Variants in TCF4 observed in about 807,000 individuals in gnomAD.
The protein encoded by TCF4 is transcription factor 4, also known as SL3-3 enhancer factor 2.
Under a neutral mutation model 82.1 loss-of-function variants are expected in TCF4, and 3 were observed. That is an observed-to-expected ratio of 0.04 (90% CI 0.02 to 0.09). TCF4 has a LOEUF of 0.09. TCF4 is among the 10% of genes least tolerant of loss of function. The pLI, the probability that TCF4 is intolerant of heterozygous loss-of-function variation, is 1.00. For missense variants in TCF4, 518 were observed against 852.7 expected (o/e 0.61, Z 4.89); for synonymous variants, 276 against 309.6 (o/e 0.89, Z 1.14).
chr18:55,606,770 A>G (rs984855558), intron 2 of TCF4, among the ~76,000 whole-genome samples: 2 of 152,228 alleles, frequency 1.3e-5, no homozygotes, highest in Non-Finnish European at 1.5e-5. Context: ...CCTGGTGACA[A>G]CTGAATGACA....
intron 3 of TCF4, among the ~76,000 whole-genome samples, chr18:55,491,144 G>A (rs1222113538): frequency 6.6e-6 from 1 of 152,120 alleles, no homozygotes; most frequent in Admixed American, 6.5e-5. Flanking sequence ...TGCATAATTC[G>A]TAAGCCCTTC....
At chr18:55,447,004 A>G (rs1208240470) in intron 5 of TCF4, among the ~76,000 whole-genome samples, 2 of 151,364 alleles carry the variant, frequency 1.3e-5, no homozygotes, top group Non-Finnish European at 2.9e-5. Context: ...AAAAAAAGGA[A>G]AAAAAGAAAA....
At chr18:55,374,415 C>T (rs1603411760) in intron 6 of TCF4, among the ~76,000 whole-genome samples, 1 of 146,016 alleles carries the variant, frequency 6.8e-6, no homozygotes, top group South Asian at 2.2e-4. Flanking sequence ...AGAGAGAAAA[C>T]AGAAATCAAC....
chr18:55,409,296 G>GC (rs1001534067), intron 5 of TCF4, among the ~76,000 whole-genome samples: 4 of 151,850 alleles, frequency 2.6e-5, no homozygotes, highest in Non-Finnish European at 4.4e-5. Flanking sequence ...CTATTGCCCT[G>GC]CCCCCCAACA....
intron 6 of TCF4, among the ~76,000 whole-genome samples, chr18:55,360,558 T>C (rs1307990233): frequency 1.3e-5 from 2 of 152,138 alleles, no homozygotes; most frequent in African/African-American, 2.4e-5. Context: ...ATTTTAGTCA[T>C]TGCTGGCCAT....
chr18:55,301,031 C>T (rs555263056), intron 8 of TCF4, among the ~76,000 whole-genome samples: 1 of 152,200 alleles, frequency 6.6e-6, no homozygotes, highest in African/African-American at 2.4e-5. Flanking sequence ...TCAGCACATC[C>T]GGCCTGGAGA....
chr18:55,370,279 A>G (rs949531635), intron 6 of TCF4, among the ~76,000 whole-genome samples: 1 of 152,234 alleles, frequency 6.6e-6, no homozygotes, highest in Admixed American at 6.5e-5. Flanking sequence ...GGTGGTGCAC[A>G]CCTGTGGTCC....
chr18:55,381,053 T>A (rs990652465), intron 6 of TCF4, among the ~76,000 whole-genome samples: 10 of 152,230 alleles, frequency 6.6e-5, no homozygotes, highest in East Asian at 1.9e-4. Context: ...TCGATTTTTT[T>A]AAATCACATG....
intron 5 of TCF4, among the ~76,000 whole-genome samples, chr18:55,429,713 A>G (rs775737783): frequency 7.9e-6 from 1 of 126,858 alleles, no homozygotes; most frequent in East Asian, 2.7e-4. Context: ...ATGAGCCAAG[A>G]TGGCACCACT....
intron 6 of TCF4, among the ~76,000 whole-genome samples, chr18:55,389,681 C>T (rs925113963): frequency 6.6e-6 from 1 of 152,072 alleles, no homozygotes; most frequent in Admixed American, 6.6e-5. Context: ...AGGCTGCAGG[C>T]AGAAACAGGG....
chr18:55,256,562 C>T (rs2056892115), intron 14 of TCF4, among the ~76,000 whole-genome samples: 1 of 152,126 alleles, frequency 6.6e-6, no homozygotes, highest in Non-Finnish European at 1.5e-5. Flanking sequence ...TATAAGACAA[C>T]ACTAAAGCAG....
chr18:55,290,788 T>A (rs914591305), intron 8 of TCF4, among the ~76,000 whole-genome samples: 2 of 152,192 alleles, frequency 1.3e-5, no homozygotes, highest in Middle Eastern at 3.4e-3. Flanking sequence ...AGTCACACTT[T>A]GAAGAGTCGA....
At chr18:55,411,868 G>A (rs1009456366) in intron 5 of TCF4, among the ~76,000 whole-genome samples, 2 of 152,008 alleles carry the variant, frequency 1.3e-5, no homozygotes, top group Non-Finnish European at 2.9e-5. Flanking sequence ...AGCCTCCCGA[G>A]TAGCTGGGAT....
At chr18:55,242,734 C>T (rs541781861) in intron 15 of TCF4, among the ~76,000 whole-genome samples, 2 of 152,134 alleles carry the variant, frequency 1.3e-5, no homozygotes, top group African/African-American at 4.8e-5. Flanking sequence ...CTCAGCCTCC[C>T]CAGTAGCTGG....
chr18:55,531,809 C>T (rs181454460), intron 3 of TCF4, among the ~76,000 whole-genome samples: 269 of 152,268 alleles, frequency 1.8e-3, no homozygotes, highest in Admixed American at 3.7e-3. Flanking sequence ...AGAATAAAGA[C>T]CCTCTTGAGA....
chr18:55,239,571 C>A (rs1414163048), intron 15 of TCF4, among the ~76,000 whole-genome samples: 7 of 152,192 alleles, frequency 4.6e-5, no homozygotes, highest in Admixed American at 3.9e-4. Context: ...TATATACGTA[C>A]ATATATAGAT....
chr18:55,343,235 T>C (rs1347882946), intron 8 of TCF4, among the ~76,000 whole-genome samples: 1 of 152,160 alleles, frequency 6.6e-6, no homozygotes, highest in Non-Finnish European at 1.5e-5. Context: ...TGCCCTTTAA[T>C]CACTGCCAAC....
At chr18:55,322,291 G>A in intron 8 of TCF4, 1 of 1,047,138 alleles carries the variant, frequency 9.5e-7, no homozygotes, top group East Asian at 5.5e-5. Flanking sequence ...ATTAAAAAGC[G>A]AGTGGCAGGA....
At chr18:55,627,215 A>G (rs1293484697) in intron 2 of TCF4, among the ~76,000 whole-genome samples, 1 of 152,182 alleles carries the variant, frequency 6.6e-6, no homozygotes, top group Non-Finnish European at 1.5e-5. Context: ...CTGTGTGTTC[A>G]TTCTATGAAC....
Sources: gnomAD v4.1 joint callset for allele counts (sites outside exome capture counted in the v4.1 genomes callset) on GRCh38, gnomAD v4.1.1 for gene constraint, MANE v1.5 for transcripts, NCBI Gene and HGNC (gene_info 2026-07-23, HGNC 2026-07-21) for gene names.